FHIT: variants seen among roughly 807,000 people sequenced by gnomAD.
The protein encoded by FHIT is fragile histidine triad diadenosine triphosphatase.
A neutral mutation model predicts 17.9 loss-of-function variants in FHIT; 19 were observed. The observed-to-expected ratio is 1.06, with a 90% CI of 0.74 to 1.56. The LOEUF (loss-of-function observed/expected upper bound fraction) is 1.56, where lower values mean the gene tolerates loss of function less well. Among genes scored for constraint, FHIT ranks in the 40% most tolerant of loss-of-function variants. FHIT has a pLI of 0.00. For synonymous variants in FHIT, 81 were observed against 69.7 expected, an observed-to-expected ratio of 1.16 and a Z score of -0.81; for missense variants, 248 against 189.2, an observed-to-expected ratio of 1.31 and a Z score of -1.82.
intron 5 of FHIT, among the ~76,000 whole-genome samples, chr3:60,497,981 G>C (rs907564449): frequency 6.6e-6 from 1 of 152,124 alleles, no homozygotes; most frequent in Non-Finnish European, 1.5e-5. Flanking sequence ...TAAATATTTT[G>C]GGCTTTGCAG....
chr3:59,760,384 A>G (rs1322979864), intron 8 of FHIT, among the ~76,000 whole-genome samples: 2 of 152,198 alleles, frequency 1.3e-5, no homozygotes, highest in Admixed American at 1.3e-4. Flanking sequence ...GAAGTATCAC[A>G]TTGTCAAGCC....
chr3:61,156,236 T>C (rs1188993906), intron 2 of FHIT, among the ~76,000 whole-genome samples: 1 of 152,234 alleles, frequency 6.6e-6, no homozygotes, highest in Non-Finnish European at 1.5e-5. Flanking sequence ...AGTACAACTA[T>C]ATGTTGAGTC....
intron 5 of FHIT, among the ~76,000 whole-genome samples, chr3:60,130,081 G>A (rs1699471313): frequency 6.6e-6 from 1 of 152,038 alleles, no homozygotes; most frequent in South Asian, 2.1e-4. Context: ...ACCTTTGTTA[G>A]AAGTTCCTCT....
intron 5 of FHIT, among the ~76,000 whole-genome samples, chr3:60,257,890 T>C (rs967046538): frequency 3.3e-5 from 5 of 151,876 alleles, no homozygotes; most frequent in African/African-American, 1.2e-4. Flanking sequence ...CTAAGGCCTG[T>C]CGGAGGGTCA....
chr3:61,198,930 ATGATG>A (rs2038935304), intron 2 of FHIT, among the ~76,000 whole-genome samples: 1 of 142,440 alleles, frequency 7.0e-6, no homozygotes, highest in Non-Finnish European at 1.5e-5. Context: ...GATGATGATG[ATGATG>A]ATATTAATAA....
intron 5 of FHIT, among the ~76,000 whole-genome samples, chr3:60,121,686 A>AAAAACAAAC (rs1553690200): frequency 1.0e-5 from 1 of 96,828 alleles, no homozygotes; most frequent in African/African-American, 4.4e-5. Flanking sequence ...TCTGTCTCAA[A>AAAAACAAAC]AAACAAACAA....
At chr3:59,950,217 A>C (rs1369859834) in intron 7 of FHIT, among the ~76,000 whole-genome samples, 2 of 152,216 alleles carry the variant, frequency 1.3e-5, no homozygotes, top group Non-Finnish European at 2.9e-5. Flanking sequence ...ATAATATAAA[A>C]TATAAGAATT....
intron 6 of FHIT, among the ~76,000 whole-genome samples, chr3:60,013,139 G>A (rs942892203): frequency 1.3e-5 from 2 of 152,218 alleles, no homozygotes; most frequent in African/African-American, 4.8e-5. Context: ...AGCACTTTTA[G>A]TCAGAGCCTT....
chr3:59,884,012 T>A (rs979621216), intron 8 of FHIT, among the ~76,000 whole-genome samples: 11 of 152,194 alleles, frequency 7.2e-5, no homozygotes, highest in African/African-American at 2.4e-4. Context: ...TTTTGTCTTG[T>A]TTATGTAAAC....
intron 5 of FHIT, among the ~76,000 whole-genome samples, chr3:60,199,262 T>C (rs1377357678): frequency 6.6e-6 from 1 of 152,174 alleles, no homozygotes; most frequent in African/African-American, 2.4e-5. Flanking sequence ...ATCTAGAACA[T>C]ATAGACAGCT....
intron 4 of FHIT, among the ~76,000 whole-genome samples, chr3:60,644,106 A>T (rs721779): frequency 6.6e-6 from 1 of 151,984 alleles, no homozygotes; most frequent in African/African-American, 2.4e-5. Context: ...CCGTCATTTC[A>T]AATACTTCCT....
intron 5 of FHIT, among the ~76,000 whole-genome samples, chr3:60,139,728 T>C (rs139218323): frequency 3.3e-5 from 5 of 152,204 alleles, no homozygotes; most frequent in African/African-American, 9.6e-5. Context: ...AAATACGTGT[T>C]GTATGGAATT....
chr3:60,635,071 G>C (rs1236865868), intron 4 of FHIT, among the ~76,000 whole-genome samples: 1 of 149,204 alleles, frequency 6.7e-6, no homozygotes, highest in African/African-American at 2.4e-5. Flanking sequence ...TTTCCAATTA[G>C]CACCCTAAGA....
chr3:60,202,632 G>C (rs867380849), intron 5 of FHIT, among the ~76,000 whole-genome samples: 20 of 152,128 alleles, frequency 1.3e-4, no homozygotes, highest in African/African-American at 4.8e-4. Flanking sequence ...TGTCACTGTA[G>C]TCAGGAGAAC....
chr3:60,232,315 CT>C (rs1206069997), intron 5 of FHIT, among the ~76,000 whole-genome samples: 1 of 152,192 alleles, frequency 6.6e-6, no homozygotes, highest in Non-Finnish European at 1.5e-5. Context: ...TGAAAGGCTT[CT>C]CTTGAGTGGA....
intron 1 of FHIT, among the ~76,000 whole-genome samples, chr3:61,232,220 C>CA (rs199965685): frequency 0.01 from 1,558 of 150,484 alleles, 25 homozygotes; most frequent in African/African-American, 0.036. Flanking sequence ...CCTGTCTCTA[C>CA]AAAAAAAAAT....
intron 4 of FHIT, among the ~76,000 whole-genome samples, chr3:60,815,792 A>G (rs539157681): frequency 6.6e-6 from 1 of 152,178 alleles, no homozygotes; most frequent in East Asian, 1.9e-4. Flanking sequence ...TTTATAAACT[A>G]CCTGTATAAA....
rs561877964 is a variant in FHIT at position 60,430,793 on chromosome 3, G to C, written c.103+106067C>G. Among the ~76,000 whole-genome samples the C allele has an allele frequency of 4.6e-5, 7 of 152,174 alleles. No homozygotes were observed. In the East Asian group the frequency reaches 1.4e-3, roughly 29 times the overall value. On this transcript the variant is annotated intron_variant, in intron 5 of 9. Coordinates refer to ENST00000492590, the MANE Select transcript of FHIT (RefSeq NM_002012.4). ...GGTTCGATGTACTCTACTAATTAAA[G>C]ATCTCTTTCTATTGCTTCCAGCAGT...
intron 4 of FHIT, among the ~76,000 whole-genome samples, chr3:60,652,596 G>A (rs1328657827): frequency 1.3e-5 from 2 of 152,106 alleles, no homozygotes; most frequent in African/African-American, 4.8e-5. Flanking sequence ...AGGTGTGGTG[G>A]CAGGCACCTG....
Sources: allele counts gnomAD v4.1 joint callset (sites outside exome capture counted in the v4.1 genomes callset), GRCh38; gene constraint gnomAD v4.1.1; transcripts MANE v1.5; gene names NCBI Gene and HGNC (gene_info 2026-07-23, HGNC 2026-07-21).